SDK1: variants seen among roughly 807,000 people sequenced by gnomAD.
SDK1 encodes sidekick cell adhesion molecule 1, also known as protein sidekick-1.
SDK1 carries 157 observed loss-of-function variants against 245.5 expected under a neutral mutation model. The ratio of observed to expected loss-of-function variants is 0.64; its 90% CI spans 0.56 to 0.73. SDK1 has a LOEUF of 0.73. SDK1 is among the 30% of genes least tolerant of loss of function. The pLI is 0.00. For missense variants in SDK1, 3,583 were observed against 3,002.3 expected, an observed-to-expected ratio of 1.19 and a Z score of -4.52; for synonymous variants, 1,647 against 1,278.5, an observed-to-expected ratio of 1.29 and a Z score of -6.15.
chr7:3,464,698 G>GTATATATA (rs141577885), intron 1 of SDK1, among the ~76,000 whole-genome samples: 1,834 of 148,018 alleles, frequency 0.012, 45 homozygotes, highest in African/African-American at 0.044. Context: ...GTGTATGTAT[G>GTATATATA]TATATATATA....
chr7:4,070,311 G>GTGC (rs1214232070), intron 20 of SDK1, among the ~76,000 whole-genome samples: 1 of 152,140 alleles, frequency 6.6e-6, no homozygotes, highest in Non-Finnish European at 1.5e-5. Flanking sequence ...TGGTTTCCAG[G>GTGC]CAGTACTTGT....
chr7:3,652,178 G>A lies in SDK1; in HGVS notation c.713+10073G>A, dbSNP rs73673672. On this transcript the variant is annotated intron_variant, in intron 4 of 44. Coordinates refer to ENST00000404826, the MANE Select transcript of SDK1 (RefSeq NM_152744.4). The stretch of plus-strand genomic sequence containing the variant: ...AACTCTTTGGGCATTTTTCTTGTGA[G>A]CGGCTGCAGAGAAACCGCGCGTGTC... Among the ~76,000 whole-genome samples the A allele has an allele frequency of 5.0e-3, 769 of 152,288 alleles. 5 individuals carry two copies. Among genetic ancestry groups the A allele is most frequent in the African/African-American group, 0.018 (739 of 41,576 alleles).
intron 2 of SDK1, among the ~76,000 whole-genome samples, chr7:3,628,239 T>C (rs975748810): frequency 6.6e-6 from 1 of 152,198 alleles, no homozygotes; most frequent in Admixed American, 6.5e-5. Flanking sequence ...ATAGTTCTGT[T>C]AATAATTCCC....
intron 4 of SDK1, among the ~76,000 whole-genome samples, chr7:3,806,218 C>G (rs1023506701): frequency 1.3e-5 from 2 of 152,252 alleles, no homozygotes; most frequent in Non-Finnish European, 2.9e-5. Context: ...ATCTTCCCAT[C>G]TTTAGATCCT....
chr7:3,872,709 A>G (rs1370629942), intron 5 of SDK1, among the ~76,000 whole-genome samples: 4 of 152,088 alleles, frequency 2.6e-5, no homozygotes, highest in African/African-American at 9.7e-5. Context: ...AAATTTTCAA[A>G]GAGTAGCTTT....
intron 1 of SDK1, among the ~76,000 whole-genome samples, chr7:3,447,701 T>A (rs977255687): frequency 8.0e-5 from 1 of 12,552 alleles, no homozygotes; most frequent in South Asian, 4.5e-3. Flanking sequence ...TTATATATCT[T>A]TTTTTTTTTT....
In SDK1 at chr7:4,029,109, G is replaced by T. The variant is rs1405101607; in HGVS notation, c.2602+11757G>T. ...TAGACCTTTTCCGAGGTGGGTGGGG[G>T]TCACTGAATTGATAGACCTTTTCCG... On this transcript the variant is annotated intron_variant, in intron 17 of 44. Coordinates refer to ENST00000404826, the MANE Select transcript of SDK1 (RefSeq NM_152744.4). Among the ~76,000 whole-genome samples, 3 of 90,892 alleles carry T rather than the reference G, an allele frequency of 3.3e-5. No homozygotes were observed. The East Asian group carries it at 1.1e-3, about 33-fold the overall frequency. The allele number at this position is 90,892 out of a possible 152,430, so 59.6% of individuals were successfully genotyped here.
At chr7:3,841,884 A>G (rs537592990) in intron 5 of SDK1, among the ~76,000 whole-genome samples, 1 of 152,146 alleles carries the variant, frequency 6.6e-6, no homozygotes, top group Non-Finnish European at 1.5e-5. Context: ...TCCAAGTCAT[A>G]AGGATGGCCA....
intron 1 of SDK1, among the ~76,000 whole-genome samples, chr7:3,321,972 C>T (rs1453378929): frequency 1.3e-5 from 2 of 151,180 alleles, no homozygotes; most frequent in Non-Finnish European, 2.9e-5. Context: ...TGCCCTCTCC[C>T]TCTACAGGTC....
chr7:3,465,631 T>G (rs1780976332), intron 1 of SDK1, among the ~76,000 whole-genome samples: 1 of 152,156 alleles, frequency 6.6e-6, no homozygotes, highest in Non-Finnish European at 1.5e-5. Flanking sequence ...GCATCCTGAT[T>G]CACCACTTTA....
At chr7:3,424,209 G>A (rs954491553) in intron 1 of SDK1, among the ~76,000 whole-genome samples, 3 of 152,108 alleles carry the variant, frequency 2.0e-5, no homozygotes, top group African/African-American at 7.2e-5. Context: ...ACCATGCCCG[G>A]CCATACTAAT....
Position 4,129,895 on chromosome 7 carries a change from G to A in SDK1, c.3940-13G>A. The A allele has an allele frequency of 6.2e-7, 1 of 1,613,194 alleles. No homozygotes were observed. The highest frequency in any genetic ancestry group is 8.5e-7 in the Non-Finnish European group (1 of 1,179,804). On this transcript the variant is annotated splice_polypyrimidine_tract_variant and intron_variant, in intron 26 of 44. Transcript: ENST00000404826. Reference sequence around the variant, plus strand: ...CGCCTCCTGATAACCCTCGTGCTGTGTCGATACCACAGATCCTGTTCCGGG... The same window carrying A: ...CGCCTCCTGATAACCCTCGTGCTGTATCGATACCACAGATCCTGTTCCGGG...
chr7:3,651,232 A>G (rs1562631074), intron 4 of SDK1, among the ~76,000 whole-genome samples: 1 of 149,736 alleles, frequency 6.7e-6, no homozygotes, highest in Non-Finnish European at 1.5e-5. Context: ...CTGCTTCCTC[A>G]CTAGCATTTG....
intron 4 of SDK1, among the ~76,000 whole-genome samples, chr7:3,711,587 A>C (rs1227452583): frequency 2.0e-5 from 3 of 152,216 alleles, no homozygotes; most frequent in Non-Finnish European, 4.4e-5. Flanking sequence ...TGCTGGTACC[A>C]GGGCTCAGAG....
At chr7:3,841,237 G>T (rs1780149824) in intron 5 of SDK1, among the ~76,000 whole-genome samples, 1 of 152,132 alleles carries the variant, frequency 6.6e-6, no homozygotes, top group South Asian at 2.1e-4. Context: ...TGTTGAGGGG[G>T]GCCGAGACCC....
At chr7:3,367,988 T>A (rs538075479) in intron 1 of SDK1, among the ~76,000 whole-genome samples, 1 of 152,330 alleles carries the variant, frequency 6.6e-6, no homozygotes, top group East Asian at 1.9e-4. Context: ...GGATGAACAT[T>A]GCAGAAAGAC....
intron 4 of SDK1, among the ~76,000 whole-genome samples, chr7:3,654,747 T>A (rs1261509121): frequency 6.6e-6 from 1 of 152,224 alleles, no homozygotes; most frequent in Non-Finnish European, 1.5e-5. Context: ...ATCGTAGAAT[T>A]GCTTGGTTCC....
At chr7:3,894,613 C>T (rs1781549919) in intron 5 of SDK1, among the ~76,000 whole-genome samples, 1 of 152,080 alleles carries the variant, frequency 6.6e-6, no homozygotes, top group African/African-American at 2.4e-5. Context: ...GCTACAACAT[C>T]AGGGCATCAG....
At chr7:4,139,709 G>GTGTA (rs1779430433) in intron 28 of SDK1, among the ~76,000 whole-genome samples, 2 of 36,664 alleles carry the variant, frequency 5.5e-5, no homozygotes, top group Admixed American at 3.3e-4. Context: ...GTGTGTATGT[G>GTGTA]TGTGTGTGTG....
Sources: allele counts gnomAD v4.1 joint callset (sites outside exome capture counted in the v4.1 genomes callset), GRCh38; gene constraint gnomAD v4.1.1; transcripts MANE v1.5; gene names NCBI Gene and HGNC (gene_info 2026-07-23, HGNC 2026-07-21).